SRP54: variants seen among roughly 807,000 people sequenced by gnomAD.
SRP54 encodes signal recognition particle 54, also known as signal recognition particle subunit SRP54.
Under a neutral mutation model 64.8 loss-of-function variants are expected in SRP54, and 10 were observed. That is an observed-to-expected ratio of 0.15 (90% CI 0.10 to 0.26). SRP54 has a LOEUF of 0.26. SRP54 is among the 10% of genes least tolerant of loss of function. The probability of loss-of-function intolerance (pLI) is 1.00; values close to 1 mark genes in which losing one functional copy is unlikely to be tolerated. For missense variants in SRP54, 325 were observed against 613.7 expected, an observed-to-expected ratio of 0.53 and a Z score of 4.97; for synonymous variants, 193 against 185.6, an observed-to-expected ratio of 1.04 and a Z score of -0.32.
intron 8 of SRP54, among the ~76,000 whole-genome samples, chr14:35,012,130 A>G (rs1044018170): frequency 7.3e-5 from 11 of 151,058 alleles, no homozygotes; most frequent in Admixed American, 1.3e-4. Flanking sequence ...GCAGGAGAAT[A>G]GCTTGAACCC....
chr14:35,013,132 AT>A (rs1299397097), intron 8 of SRP54, among the ~76,000 whole-genome samples: 1 of 151,786 alleles, frequency 6.6e-6, no homozygotes, highest in Non-Finnish European at 1.5e-5. Flanking sequence ...TAATTTTTGT[AT>A]TTTTAGTAGA....
Position 34,999,547 on chromosome 14 carries a change from T to C in SRP54, c.79-11T>C. 1 of 1,597,432 alleles carries C rather than the reference T, an allele frequency of 6.3e-7. No individual in the cohort carries two copies. Among genetic ancestry groups the C allele is most frequent in the Non-Finnish European group, 8.6e-7 (1 of 1,169,168 alleles). On this transcript the variant is annotated splice_polypyrimidine_tract_variant and intron_variant, in intron 2 of 15. Transcript: ENST00000216774. ...GGGTGCTTTAAATTTCATTTATTTC[T>C]TTATTTTCAGGTATTGAATGCTATG...
chr14:34,992,382 G>A (rs2043994837), intron 1 of SRP54, among the ~76,000 whole-genome samples: 1 of 152,102 alleles, frequency 6.6e-6, no homozygotes, highest in South Asian at 2.1e-4. Flanking sequence ...CCTCACAGAA[G>A]TTTTTAAAAT....
intron 13 of SRP54, among the ~76,000 whole-genome samples, chr14:35,022,534 A>T (rs983589251): frequency 2.6e-4 from 39 of 151,790 alleles, no homozygotes; most frequent in African/African-American, 9.4e-4. Context: ...TTTTTGTATT[A>T]TTAGTAAAGA....
intron 14 of SRP54, among the ~76,000 whole-genome samples, chr14:35,027,236 G>GTCT (rs1566658451): frequency 6.6e-6 from 1 of 151,852 alleles, no homozygotes; most frequent in Non-Finnish European, 1.5e-5. Flanking sequence ...CACCACGTTG[G>GTCT]CTAGGCTGGT....
At chr14:35,022,842 C>A in intron 13 of SRP54, 68 bp from the exon 14 acceptor site, 1 of 1,298,540 alleles carries the variant, frequency 7.7e-7, no homozygotes, top group Non-Finnish European at 1.0e-6. Flanking sequence ...TATATATTGC[C>A]CATTTGCACA....
At chr14:35,025,289 T>G (rs2139028239) in intron 14 of SRP54, among the ~76,000 whole-genome samples, 1 of 152,344 alleles carries the variant, frequency 6.6e-6, no homozygotes, top group East Asian at 1.9e-4. Flanking sequence ...TACCATTGAA[T>G]AGCTTCTAAA....
intron 10 of SRP54, among the ~76,000 whole-genome samples, chr14:35,014,234 G>T (rs2044400889): frequency 6.6e-6 from 1 of 150,508 alleles, no homozygotes. Context: ...TTAAACCCTG[G>T]GCTGCAGTCC....
chr14:34,995,589 G>C (rs1475272185), intron 1 of SRP54, among the ~76,000 whole-genome samples: 3 of 152,086 alleles, frequency 2.0e-5, no homozygotes, highest in Admixed American at 2.0e-4. Context: ...ATAAGCCCTT[G>C]CATCCTTACA....
chr14:34,984,609 C>T (rs2043864933), intron 1 of SRP54, among the ~76,000 whole-genome samples: 1 of 152,222 alleles, frequency 6.6e-6, no homozygotes, highest in African/African-American at 2.4e-5. Context: ...TCAAGCAATT[C>T]TCCTGCCTCA....
chr14:34,987,249 ATATATATATATGTGTGTGTGTGTGTG>A (rs2043912732), intron 1 of SRP54, among the ~76,000 whole-genome samples: 1 of 113,976 alleles, frequency 8.8e-6, no homozygotes, highest in Non-Finnish European at 1.9e-5. Context: ...AAAAAAAAAT[ATATATATATATGTGTGTGTGTGTGTG>A]TATATATATA....
chr14:35,025,775 A>C (rs1402677913), intron 14 of SRP54, among the ~76,000 whole-genome samples: 1 of 152,234 alleles, frequency 6.6e-6, no homozygotes, highest in East Asian at 1.9e-4. Context: ...TCTTTCATTC[A>C]TAGTTTATAA....
chr14:35,027,833 A>G (rs1408771079), intron 14 of SRP54: 1 of 254,586 alleles, frequency 3.9e-6, no homozygotes, highest in Admixed American at 5.2e-5. Context: ...AAGTATTAGC[A>G]TAAATCGTAG....
intron 14 of SRP54, among the ~76,000 whole-genome samples, chr14:35,023,578 G>C (rs1337299449): frequency 6.6e-6 from 1 of 152,088 alleles, no homozygotes; most frequent in Non-Finnish European, 1.5e-5. Context: ...GAGGTCAGGA[G>C]TTCAAGACCA....
intron 3 of SRP54, among the ~76,000 whole-genome samples, chr14:35,000,592 GAAAT>G (rs2044155303): frequency 1.3e-5 from 2 of 151,116 alleles, no homozygotes; most frequent in South Asian, 4.2e-4. Flanking sequence ...AGAAAGAAAA[GAAAT>G]AGAGAAAGTA....
At chr14:35,000,193 C>G (rs927376105) in intron 3 of SRP54, among the ~76,000 whole-genome samples, 3 of 151,832 alleles carry the variant, frequency 2.0e-5, no homozygotes, top group Admixed American at 1.3e-4. Context: ...TGAGTCTTAT[C>G]TCTTACCATG....
At position 34,996,769 on chromosome 14, in the gene SRP54, C is replaced by T. The variant is rs761485930; in HGVS notation, c.60C>T (p.Ala20=). The change falls in exon 2 of 16, where the codon GCC becomes GCT. Residue 20 remains alanine (A), a synonymous_variant. Transcript: ENST00000216774. ...CAGCATTACGCTCGTTGAGCAATGC[C>T]ACCATTATCAATGAAGAGGTATGTA... ...ITSALRSLSN[A]TIINEEVLNA... is the part of the protein sequence containing the mutation. 6.2e-6 allele frequency: 10 copies of T among 1,610,822 alleles called. No homozygotes were observed. Among genetic ancestry groups the T allele is most frequent in the South Asian group, 4.4e-5 (4 of 91,014 alleles).
intron 8 of SRP54, among the ~76,000 whole-genome samples, chr14:35,012,106 A>G (rs2044365122): frequency 1.3e-5 from 2 of 151,526 alleles, no homozygotes; most frequent in African/African-American, 2.4e-5. Flanking sequence ...AATCCCAGCT[A>G]CCTGGGAGCT....
In SRP54 at chr14:35,014,755, A is replaced by G; in HGVS notation, c.898A>G (p.Ile300Val). The change falls in exon 11 of 16, where the codon ATT (isoleucine) becomes GTT (valine). Residue 300 changes from isoleucine to valine, a missense_variant. Coordinates refer to ENST00000216774, the MANE Select transcript of SRP54 (RefSeq NM_003136.4). ...FISKLLGMGDIEGLIDKVNEL... is the reference protein window; with the variant it reads ...FISKLLGMGDVEGLIDKVNEL... ...TTTGTATCTTATAGGTATGGGCGAC[A>G]TTGAAGGACTGATAGATAAAGTCAA... 3.1e-6 allele frequency: 5 copies of G among 1,613,670 alleles called. No homozygotes were observed. Among genetic ancestry groups the G allele is most frequent in the Non-Finnish European group, 4.2e-6 (5 of 1,179,882 alleles).
Sources: allele counts gnomAD v4.1 joint callset (sites outside exome capture counted in the v4.1 genomes callset), GRCh38; gene constraint gnomAD v4.1.1; transcripts MANE v1.5; gene names NCBI Gene and HGNC (gene_info 2026-07-23, HGNC 2026-07-21).